BPNT2: variants seen among roughly 807,000 people sequenced by gnomAD.
The protein encoded by BPNT2 is Golgi-resident adenosine 3',5'-bisphosphate 3'-phosphatase.
In BPNT2, 11 loss-of-function variants were observed where a neutral mutation model predicts 29.3. The ratio of observed to expected loss-of-function variants is 0.38; its 90% CI spans 0.24 to 0.62. The LOEUF (loss-of-function observed/expected upper bound fraction) is 0.62. Ranked by LOEUF, BPNT2 falls within the 20% of genes least tolerant of loss-of-function variation. The pLI, the probability that BPNT2 is intolerant of heterozygous loss-of-function variation, is 0.62. For synonymous variants in BPNT2, 195 were observed against 187.7 expected (o/e 1.04, Z -0.32); for missense variants, 459 against 473.4 (o/e 0.97, Z 0.28).
chr8:56,989,927 C>G (rs1465560441), intron 1 of BPNT2, among the ~76,000 whole-genome samples: 1 of 152,142 alleles, frequency 6.6e-6, no homozygotes, highest in African/African-American at 2.4e-5. Context: ...GATTCTTTTC[C>G]TCTGTTTTCA....
intron 1 of BPNT2, among the ~76,000 whole-genome samples, chr8:56,987,382 T>C (rs1187035242): frequency 6.6e-6 from 1 of 152,176 alleles, no homozygotes; most frequent in Non-Finnish European, 1.5e-5. Flanking sequence ...GACTGCCCTC[T>C]CTAATGTGGG....
In BPNT2 at chr8:56,962,022, C is replaced by T. The variant is rs1805846555; in HGVS notation, c.*1771G>A. ...ACTCTGGCAACAGCATATACCTTTG[C>T]CATCTCTCCTGAAAAAGAAAGTTTC... On this transcript the variant is annotated 3_prime_UTR_variant, in exon 5 of 5. Transcript: ENST00000262644. 6.6e-6 allele frequency: 1 copy of T among 152,082 alleles called. No individual in the cohort carries two copies. Among genetic ancestry groups the T allele is most frequent in the Non-Finnish European group, 1.5e-5 (1 of 68,026 alleles). 9.4% of individuals were successfully genotyped at this position (152,082 alleles called of 1,614,324 possible).
chr8:56,973,894 A>G (rs971806947), intron 3 of BPNT2, among the ~76,000 whole-genome samples: 1 of 152,254 alleles, frequency 6.6e-6, no homozygotes, highest in Non-Finnish European at 1.5e-5. Context: ...AAAGTAAAAA[A>G]GTCAAACAGA....
At chr8:56,969,587 A>C (rs1429676647) in intron 3 of BPNT2, among the ~76,000 whole-genome samples, 1 of 95,792 alleles carries the variant, frequency 1.0e-5, no homozygotes, top group Non-Finnish European at 2.2e-5. Context: ...GTAAACATCA[A>C]AAAAAAACAA....
At chr8:56,978,211 A>G in intron 2 of BPNT2, 66 bp from the exon 3 acceptor site, 1 of 997,792 alleles carries the variant, frequency 1.0e-6, no homozygotes, top group Non-Finnish European at 1.6e-6. Context: ...TCAAGATACA[A>G]TATTACACTT....
chr8:56,989,012 T>C (rs1024398896), intron 1 of BPNT2, among the ~76,000 whole-genome samples: 1 of 152,312 alleles, frequency 6.6e-6, no homozygotes, highest in Admixed American at 6.5e-5. Context: ...GTATTTACTT[T>C]GCTCCCCTCC....
At chr8:56,975,409 A>C (rs1806115775) in intron 3 of BPNT2, among the ~76,000 whole-genome samples, 1 of 152,186 alleles carries the variant, frequency 6.6e-6, no homozygotes, top group Non-Finnish European at 1.5e-5. Context: ...ACAGTGTCAA[A>C]AGAAAAAGAG....
chr8:56,964,174 T>A (rs1805898426), intron 4 of BPNT2, 110 bp from the exon 5 acceptor site: 1 of 748,516 alleles, frequency 1.3e-6, no homozygotes, highest in Admixed American at 2.6e-5. Flanking sequence ...GTGCAGGAGC[T>A]TGCTGCAGTC....
intron 1 of BPNT2, 39 bp from the exon 2 acceptor site, chr8:56,980,236 G>T: frequency 1.3e-6 from 2 of 1,511,048 alleles, no homozygotes; most frequent in South Asian, 1.1e-5. Flanking sequence ...AAAGTAAGAC[G>T]AACAATCACT....
chr8:56,977,659 G>A (rs2129205072), intron 3 of BPNT2, among the ~76,000 whole-genome samples: 1 of 152,234 alleles, frequency 6.6e-6, no homozygotes, highest in Middle Eastern at 3.4e-3. Context: ...CTAGAGTAGG[G>A]TGGGCGCTGA....
Position 56,960,085 on chromosome 8 carries a change from C to T in BPNT2, c.*3708G>A, listed in dbSNP as rs1330372889. On this transcript the variant is annotated 3_prime_UTR_variant, in exon 5 of 5. Transcript: ENST00000262644. Reference sequence around the variant, plus strand: ...TCAACACATAGCCAATAGGTAGTTACAGCTAGAATAATTCCAACAGTTCCT... The same window carrying T: ...TCAACACATAGCCAATAGGTAGTTATAGCTAGAATAATTCCAACAGTTCCT... The T allele has an allele frequency of 6.6e-6, 1 of 152,164 alleles. No homozygotes were observed. The highest frequency in any genetic ancestry group is 1.9e-4 in the East Asian group (1 of 5,192). The allele number at this position is 152,164 out of a possible 1,614,324, so 9.4% of individuals were successfully genotyped here. A position where few individuals can be genotyped will look rare whatever the true frequency, so the allele number is the denominator to read the frequency against.
chr8:56,991,525 G>C (rs529370341), intron 1 of BPNT2, among the ~76,000 whole-genome samples: 1 of 152,218 alleles, frequency 6.6e-6, no homozygotes, highest in South Asian at 2.1e-4. Context: ...CACTATTACT[G>C]CTTTTAAGCT....
In BPNT2 at chr8:56,993,206, C is replaced by T; in HGVS notation, c.380G>A (p.Ser127Asn). The T allele has an allele frequency of 6.3e-7, 1 of 1,599,950 alleles. No individual in the cohort carries two copies. Among genetic ancestry groups the T allele is most frequent in the Non-Finnish European group, 8.5e-7 (1 of 1,179,022 alleles). ...MFYLLKTAFPSVQINTEEHVD... is the reference protein window; with the variant it reads ...MFYLLKTAFPNVQINTEEHVD... ...CCGCCCGTGGGCTCCCACCTGGACG[C>T]TGGGGAAGGCGGTCTTGAGCAGGTA... Residue 127 changes from serine to asparagine, a missense_variant, in exon 1 of 5, where the codon AGC becomes AAC. By Grantham distance (46) the Ser-to-Asn change is conservative. Coordinates refer to ENST00000262644, the MANE Select transcript of BPNT2 (RefSeq NM_017813.5).
chr8:56,978,285 C>A, intron 2 of BPNT2, 140 bp from the exon 3 acceptor site: 1 of 693,050 alleles, frequency 1.4e-6, no homozygotes. Flanking sequence ...TTCAAGCAAA[C>A]AGAGTCTGAG....
intron 3 of BPNT2, among the ~76,000 whole-genome samples, chr8:56,971,789 C>CCCCCT (rs1554539106): frequency 7.0e-6 from 1 of 142,124 alleles, no homozygotes; most frequent in African/African-American, 2.8e-5. Flanking sequence ...ACCACCCCCC[C>CCCCCT]CCCCACAATG....
intron 1 of BPNT2, among the ~76,000 whole-genome samples, chr8:56,991,973 A>T (rs554014613): frequency 9.2e-5 from 14 of 152,340 alleles, no homozygotes; most frequent in African/African-American, 2.9e-4. Flanking sequence ...TTGAAAAAAA[A>T]AATTCTAACG....
intron 1 of BPNT2, among the ~76,000 whole-genome samples, chr8:56,989,325 T>C (rs1169785709): frequency 6.6e-6 from 1 of 150,880 alleles, no homozygotes; most frequent in Non-Finnish European, 1.5e-5. Flanking sequence ...TGAGCTGAGA[T>C]TGTGCCACTG....
At chr8:56,991,104 G>A (rs766703506) in intron 1 of BPNT2, among the ~76,000 whole-genome samples, 1 of 152,156 alleles carries the variant, frequency 6.6e-6, no homozygotes, top group Non-Finnish European at 1.5e-5. Flanking sequence ...CTCCTTTTAG[G>A]TTGATTCTCC....
chr8:56,960,480 T>C lies in BPNT2; in HGVS notation c.*3313A>G, dbSNP rs1257094199. 1.3e-5 allele frequency: 2 copies of C among 152,220 alleles called. No individual in the cohort carries two copies. Among genetic ancestry groups the C allele is most frequent in the Non-Finnish European group, 2.9e-5 (2 of 68,036 alleles). The allele number at this position is 152,220 out of a possible 1,614,324, so 9.4% of individuals were successfully genotyped here. A position where few individuals can be genotyped will look rare whatever the true frequency, so the allele number is the denominator to read the frequency against. On this transcript the variant is annotated 3_prime_UTR_variant, in exon 5 of 5. Transcript: ENST00000262644. The stretch of plus-strand genomic sequence containing the variant: ...CAAACAAGAGGAATTTGCACAACTG[T>C]TACTTAAAACATACAAACCAAAATG...
Sources: gnomAD v4.1 joint callset for allele counts (sites outside exome capture counted in the v4.1 genomes callset) on GRCh38, gnomAD v4.1.1 for gene constraint, MANE v1.5 for transcripts, NCBI Gene and HGNC (gene_info 2026-07-23, HGNC 2026-07-21) for gene names.